ACOXL: variants seen among roughly 807,000 people sequenced by gnomAD.
ACOXL encodes acyl-coenzyme A oxidase-like protein.
ACOXL carries 70 observed loss-of-function variants against 71.9 expected under a neutral mutation model. That is an observed-to-expected ratio of 0.97 (90% CI 0.80 to 1.19). The LOEUF (loss-of-function observed/expected upper bound fraction) is 1.19, where lower values mean the gene tolerates loss of function less well. Among genes scored for constraint, ACOXL ranks in the 50% most tolerant of loss-of-function variants. The pLI, the probability that ACOXL is intolerant of heterozygous loss-of-function variation, is 0.00. For synonymous variants in ACOXL, 253 were observed against 281.6 expected (o/e 0.90, Z 1.02); for missense variants, 703 against 736.3 (o/e 0.95, Z 0.52).
intron 15 of ACOXL, among the ~76,000 whole-genome samples, chr2:111,047,563 G>A (rs1434551252): frequency 6.6e-6 from 1 of 152,206 alleles, no homozygotes; most frequent in Non-Finnish European, 1.5e-5. Context: ...CAAAACTGAG[G>A]ACGGAGTTGA....
chr2:111,044,465 G>C (rs955411232), intron 15 of ACOXL, among the ~76,000 whole-genome samples: 2 of 152,234 alleles, frequency 1.3e-5, no homozygotes, highest in African/African-American at 2.4e-5. Flanking sequence ...GCAGGGGCAG[G>C]GCCCCTATTA....
At chr2:110,940,430 A>C (rs1422722715) in intron 12 of ACOXL, among the ~76,000 whole-genome samples, 1 of 152,202 alleles carries the variant, frequency 6.6e-6, no homozygotes, top group Non-Finnish European at 1.5e-5. Flanking sequence ...TTTAGTTTTC[A>C]CTGGAATGTT....
intron 10 of ACOXL, among the ~76,000 whole-genome samples, chr2:110,875,107 C>A (rs75606516): frequency 3.3e-5 from 5 of 152,168 alleles, no homozygotes; most frequent in Non-Finnish European, 7.4e-5. Context: ...CTTGTCTGCA[C>A]GCAGGCCAAT....
chr2:110,979,895 A>G (rs1171586833), intron 12 of ACOXL, among the ~76,000 whole-genome samples: 4 of 152,144 alleles, frequency 2.6e-5, no homozygotes, highest in Non-Finnish European at 5.9e-5. Context: ...AGAAATTCTG[A>G]GTTTTCAACA....
At chr2:110,889,829 T>C (rs532223424) in intron 10 of ACOXL, among the ~76,000 whole-genome samples, 2 of 152,316 alleles carry the variant, frequency 1.3e-5, no homozygotes, top group Non-Finnish European at 2.9e-5. Context: ...TTCTCTACCT[T>C]GTAATGGAAT....
intron 12 of ACOXL, among the ~76,000 whole-genome samples, chr2:110,957,080 C>G (rs1380390346): frequency 1.3e-5 from 2 of 152,084 alleles, no homozygotes; most frequent in African/African-American, 4.8e-5. Flanking sequence ...TTCTTTCTCT[C>G]CTGCTTAGGA....
chr2:110,747,993 TC>T (rs1324352122), intron 1 of ACOXL, among the ~76,000 whole-genome samples: 1 of 152,172 alleles, frequency 6.6e-6, no homozygotes, highest in African/African-American at 2.4e-5. Context: ...CTGCAGCTCA[TC>T]CTGACAGTAA....
At chr2:111,066,508 T>C (rs2067081159) in intron 16 of ACOXL, among the ~76,000 whole-genome samples, 1 of 152,216 alleles carries the variant, frequency 6.6e-6, no homozygotes, top group Admixed American at 6.5e-5. Context: ...TGTTGTACTA[T>C]AGTTTTTTAA....
At chr2:110,792,613 G>T (rs997673706) in intron 3 of ACOXL, among the ~76,000 whole-genome samples, 1 of 152,012 alleles carries the variant, frequency 6.6e-6, no homozygotes, top group African/African-American at 2.4e-5. Flanking sequence ...AACATAGCAA[G>T]ACCTCATCTC....
intron 11 of ACOXL, among the ~76,000 whole-genome samples, chr2:110,930,266 T>C (rs1190756048): frequency 1.3e-5 from 2 of 152,234 alleles, no homozygotes; most frequent in Non-Finnish European, 2.9e-5. Context: ...GGAGATCATT[T>C]TGGAGCTTTC....
chr2:110,823,234 C>T (rs902603385), intron 9 of ACOXL, among the ~76,000 whole-genome samples: 5 of 147,450 alleles, frequency 3.4e-5, no homozygotes, highest in African/African-American at 5.0e-5. Context: ...GCCTGGGTGA[C>T]GGTAAGACTC....
chr2:111,056,698 G>T (rs1447937318), intron 16 of ACOXL, among the ~76,000 whole-genome samples: 1 of 148,522 alleles, frequency 6.7e-6, no homozygotes, highest in East Asian at 2.0e-4. Context: ...TGAGGCAGGA[G>T]AATCGCTTTA....
chr2:110,925,174 G>A (rs558557862), intron 11 of ACOXL, among the ~76,000 whole-genome samples: 1 of 152,326 alleles, frequency 6.6e-6, no homozygotes, highest in Admixed American at 6.5e-5. Flanking sequence ...CTAGAGCACA[G>A]GCAGAGTAGA....
At chr2:110,902,724 T>C (rs1485398303) in intron 10 of ACOXL, among the ~76,000 whole-genome samples, 1 of 152,180 alleles carries the variant, frequency 6.6e-6, no homozygotes, top group Admixed American at 6.5e-5. Context: ...ATTAAAAATA[T>C]CCTACTTTGT....
chr2:110,756,421 AC>A (rs1679712349), intron 1 of ACOXL, among the ~76,000 whole-genome samples: 1 of 152,094 alleles, frequency 6.6e-6, no homozygotes, highest in Non-Finnish European at 1.5e-5. Context: ...GAGCCACCGC[AC>A]CGTGTCAAGG....
intron 12 of ACOXL, chr2:110,963,828 C>A: frequency 7.1e-7 from 1 of 1,411,552 alleles, no homozygotes; most frequent in African/African-American, 1.4e-5. Flanking sequence ...TCCTGTTAGG[C>A]ACTTGATATT....
chr2:111,116,114 G>A (rs1203561277), intron 17 of ACOXL, among the ~76,000 whole-genome samples: 3 of 152,198 alleles, frequency 2.0e-5, no homozygotes, highest in Non-Finnish European at 2.9e-5. Context: ...ATGACAATAT[G>A]TGGAAAGTTT....
chr2:110,793,397 G>A (rs1444586904), intron 3 of ACOXL, among the ~76,000 whole-genome samples: 1 of 152,198 alleles, frequency 6.6e-6, no homozygotes, highest in African/African-American at 2.4e-5. Flanking sequence ...TTGTTGGGGG[G>A]ATCTGGGAGG....
chr2:111,040,164 C>A (rs1462140268), intron 15 of ACOXL, among the ~76,000 whole-genome samples: 1 of 152,192 alleles, frequency 6.6e-6, no homozygotes, highest in Non-Finnish European at 1.5e-5. Context: ...TGCTCAGGAC[C>A]TGTGGCAGCT....
Sources: gnomAD v4.1 joint callset for allele counts (sites outside exome capture counted in the v4.1 genomes callset) on GRCh38, gnomAD v4.1.1 for gene constraint, MANE v1.5 for transcripts, NCBI Gene and HGNC (gene_info 2026-07-23, HGNC 2026-07-21) for gene names.